Variants in MYO9A observed in about 807,000 individuals in gnomAD.
MYO9A encodes the protein myosin IXA, also known as unconventional myosin-IXa.
A neutral mutation model predicts 293.3 loss-of-function variants in MYO9A; 103 were observed. The ratio of observed to expected loss-of-function variants is 0.35; its 90% CI spans 0.30 to 0.41. The LOEUF (loss-of-function observed/expected upper bound fraction) is 0.41, where lower values mean the gene tolerates loss of function less well. MYO9A is among the 10% of genes least tolerant of loss of function. The pLI is 1.00. For synonymous variants in MYO9A, 1,001 were observed against 1,035.7 expected (o/e 0.97, Z 0.64); for missense variants, 2,685 against 3,033.0 (o/e 0.89, Z 2.69).
intron 1 of MYO9A, among the ~76,000 whole-genome samples, chr15:72,086,296 C>T (rs2079724351): frequency 6.6e-6 from 1 of 152,136 alleles, no homozygotes; most frequent in African/African-American, 2.4e-5. Flanking sequence ...CCGGGTAGTG[C>T]TGGTAAGGGC....
In MYO9A at chr15:72,114,906, A is replaced by G. The variant is rs535578905; in HGVS notation, c.-72+2774T>C. On this transcript the variant is annotated intron_variant, in intron 1 of 41. Transcript: ENST00000356056. ...TATTCTTGGCAAATCATATTTTCAA[A>G]CCTCCTACATTTCTCTGCTATTAAA... Among the ~76,000 whole-genome samples, 802 of 152,332 alleles carry G rather than the reference A, an allele frequency of 5.3e-3. 7 individuals are homozygous for G. The highest frequency in any genetic ancestry group is 0.01 in the Middle Eastern group (3 of 294).
chr15:71,835,960 G>T (rs1417217967), intron 39 of MYO9A, among the ~76,000 whole-genome samples: 1 of 152,058 alleles, frequency 6.6e-6, no homozygotes, highest in Non-Finnish European at 1.5e-5. Flanking sequence ...AATAAAAGGG[G>T]AACTGCAGGG....
intron 2 of MYO9A, among the ~76,000 whole-genome samples, chr15:72,043,933 CTT>C (rs3028362): frequency 0.22 from 31,077 of 140,514 alleles, 3,464 homozygotes; most frequent in East Asian, 0.41. Flanking sequence ...ATTCCCTTTC[CTT>C]TTTTTTTTTT....
intron 2 of MYO9A, chr15:72,036,535 C>A (rs930801955): frequency 2.0e-5 from 3 of 151,780 alleles, no homozygotes; most frequent in African/African-American, 7.3e-5. Context: ...AAGAGAAAAA[C>A]CAACATCCTA....
chr15:72,090,254 T>C (rs1282241214), intron 1 of MYO9A, among the ~76,000 whole-genome samples: 2 of 152,212 alleles, frequency 1.3e-5, no homozygotes, highest in Non-Finnish European at 2.9e-5. Flanking sequence ...TTTAATACTC[T>C]GGATTAATTA....
chr15:71,847,206 A>G (rs1005443020), intron 39 of MYO9A, among the ~76,000 whole-genome samples: 3 of 152,236 alleles, frequency 2.0e-5, no homozygotes, highest in Non-Finnish European at 2.9e-5. Context: ...ATGCTGTTCA[A>G]CTACACAATA....
chr15:72,046,767 C>G, intron 1 of MYO9A, 133 bp from the exon 2 acceptor site: 1 of 480,322 alleles, frequency 2.1e-6, no homozygotes, highest in Non-Finnish European at 3.5e-6. Context: ...CTTAGCACAG[C>G]AACAGTTTCA....
At chr15:71,948,166 A>G (rs189543478) in intron 15 of MYO9A, among the ~76,000 whole-genome samples, 6 of 152,378 alleles carry the variant, frequency 3.9e-5, no homozygotes, top group Non-Finnish European at 8.8e-5. Context: ...TGAAGGGGGC[A>G]GTATCAATTT....
At chr15:71,925,947 A>G (rs967974993) in intron 18 of MYO9A, among the ~76,000 whole-genome samples, 4 of 152,116 alleles carry the variant, frequency 2.6e-5, no homozygotes, top group Non-Finnish European at 4.4e-5. Flanking sequence ...TTATCTTACC[A>G]TATTTCTTGT....
At chr15:71,875,128 T>G (rs2056642637) in intron 32 of MYO9A, among the ~76,000 whole-genome samples, 1 of 152,014 alleles carries the variant, frequency 6.6e-6, no homozygotes, top group Admixed American at 6.6e-5. Flanking sequence ...ATATGTGATA[T>G]ATATTTTGTA....
chr15:71,972,251 G>A (rs908922895), intron 12 of MYO9A: 2 of 152,138 alleles, frequency 1.3e-5, no homozygotes, highest in Non-Finnish European at 2.9e-5. Context: ...GGAAGGTAGA[G>A]TGCCCAGGAA....
intron 1 of MYO9A, among the ~76,000 whole-genome samples, chr15:72,067,387 G>A (rs1174628023): frequency 6.6e-6 from 1 of 151,982 alleles, no homozygotes. Flanking sequence ...TCGACTCACT[G>A]TAACCTCCGC....
At chr15:72,030,647 C>T (rs143327602) in intron 3 of MYO9A, among the ~76,000 whole-genome samples, 17 of 152,152 alleles carry the variant, frequency 1.1e-4, no homozygotes, top group Admixed American at 1.1e-3. Context: ...CCTCAGCCTC[C>T]TGAACAGCTG....
intron 18 of MYO9A, among the ~76,000 whole-genome samples, chr15:71,927,083 G>A (rs893843463): frequency 4.6e-5 from 7 of 152,118 alleles, no homozygotes; most frequent in African/African-American, 1.7e-4. Flanking sequence ...CCTCGGGGAG[G>A]GCACAAATCC....
At chr15:71,988,075 G>A (rs2076448984) in intron 11 of MYO9A, among the ~76,000 whole-genome samples, 1 of 152,124 alleles carries the variant, frequency 6.6e-6, no homozygotes, top group Non-Finnish European at 1.5e-5. Context: ...AATAATTTCA[G>A]TTTACAATAA....
intron 3 of MYO9A, among the ~76,000 whole-genome samples, chr15:72,030,218 G>A (rs867482407): frequency 4.6e-5 from 7 of 152,222 alleles, no homozygotes; most frequent in Non-Finnish European, 7.4e-5. Context: ...TGGGAGAAAG[G>A]AAATTAACAT....
intron 32 of MYO9A, among the ~76,000 whole-genome samples, chr15:71,867,944 T>C (rs1333768141): frequency 6.6e-6 from 1 of 152,184 alleles, no homozygotes; most frequent in African/African-American, 2.4e-5. Flanking sequence ...TAGATTTCTG[T>C]GTATAGCTAC....
chr15:72,028,631 G>C (rs1382130968), intron 3 of MYO9A, among the ~76,000 whole-genome samples: 1 of 149,704 alleles, frequency 6.7e-6, no homozygotes, highest in East Asian at 2.0e-4. Context: ...TGGGCAACAA[G>C]AGCAAAACTT....
At chr15:71,919,146 T>C (rs150740771) in intron 18 of MYO9A, among the ~76,000 whole-genome samples, 16 of 152,266 alleles carry the variant, frequency 1.1e-4, no homozygotes, top group African/African-American at 3.4e-4. Context: ...TCTTTTTCTC[T>C]AAAAAATAAC....
Sources: gnomAD v4.1 joint callset for allele counts (sites outside exome capture counted in the v4.1 genomes callset) on GRCh38, gnomAD v4.1.1 for gene constraint, MANE v1.5 for transcripts, NCBI Gene and HGNC (gene_info 2026-07-23, HGNC 2026-07-21) for gene names.